The following KIAA0825 variants were observed in gnomAD, a reference collection of about 807,000 sequenced individuals.
The protein encoded by KIAA0825 is uncharacterized protein KIAA0825.
A neutral mutation model predicts 147.6 loss-of-function variants in KIAA0825; 119 were observed. The observed-to-expected ratio is 0.81, with a 90% CI of 0.69 to 0.94. The LOEUF (loss-of-function observed/expected upper bound fraction) is 0.94. KIAA0825 is among the 40% of genes least tolerant of loss of function. KIAA0825 has a pLI of 0.00. For synonymous variants in KIAA0825, 470 were observed against 518.1 expected, an observed-to-expected ratio of 0.91 and a Z score of 1.26; for missense variants, 1,381 against 1,472.7, an observed-to-expected ratio of 0.94 and a Z score of 1.02.
At chr5:94,602,132 G>T (rs959230272) in intron 1 of KIAA0825, among the ~76,000 whole-genome samples, 2 of 152,140 alleles carry the variant, frequency 1.3e-5, no homozygotes, top group African/African-American at 4.8e-5. Flanking sequence ...GGCGGATCAT[G>T]AGGTCAGGAG....
intron 20 of KIAA0825, among the ~76,000 whole-genome samples, chr5:94,268,400 G>A (rs1776831377): frequency 6.6e-6 from 1 of 152,050 alleles, no homozygotes; most frequent in Non-Finnish European, 1.5e-5. Flanking sequence ...GGTGAAGTGG[G>A]GCAACTGCAA....
At chr5:94,371,048 G>A (rs1046304021) in intron 20 of KIAA0825, among the ~76,000 whole-genome samples, 4 of 152,156 alleles carry the variant, frequency 2.6e-5, no homozygotes, top group South Asian at 2.1e-4. Context: ...TCAGGAGCTG[G>A]TGGGGGAGCG....
At chr5:94,535,408 G>T in intron 3 of KIAA0825, among the ~76,000 whole-genome samples, 1 of 148,896 alleles carries the variant, frequency 6.7e-6, no homozygotes, top group Non-Finnish European at 1.5e-5. Context: ...TTCTTGAGAG[G>T]CTAAGGCACA....
chr5:94,484,540 G>A (rs940166046), intron 6 of KIAA0825, among the ~76,000 whole-genome samples: 1 of 151,720 alleles, frequency 6.6e-6, no homozygotes, highest in African/African-American at 2.4e-5. Flanking sequence ...AAATCATCCA[G>A]AATTGATGTA....
chr5:94,477,129 T>C lies in KIAA0825; in HGVS notation c.1209A>G (p.Gln403=), dbSNP rs1172373362. Reference sequence around the variant, plus strand: ...CACTTACCTCTTTTCCTGGTAGTGATTGCTCGGAAGGAATATTGGTTTCGT... The same window carrying C: ...CACTTACCTCTTTTCCTGGTAGTGACTGCTCGGAAGGAATATTGGTTTCGT... ...RANETNIPSE[Q]SLPGKEATLL... is the part of the protein sequence containing the mutation. The change falls in exon 7 of 21, where the codon CAA becomes CAG. Residue 403 remains glutamine, a synonymous_variant. Coordinates refer to ENST00000682413, the MANE Select transcript of KIAA0825 (RefSeq NM_001145678.3). 7.7e-6 allele frequency: 12 copies of C among 1,550,584 alleles called. No homozygotes were observed. Among genetic ancestry groups the C allele is most frequent in the Non-Finnish European group, 9.6e-6 (11 of 1,146,590 alleles).
intron 2 of KIAA0825, among the ~76,000 whole-genome samples, chr5:94,556,040 T>A (rs904315204): frequency 1.3e-5 from 2 of 151,618 alleles, no homozygotes; most frequent in Non-Finnish European, 2.9e-5. Context: ...AAATACAGTT[T>A]ATGAGACATC....
chr5:94,357,180 C>T (rs1395718514), intron 20 of KIAA0825, among the ~76,000 whole-genome samples: 3 of 152,164 alleles, frequency 2.0e-5, no homozygotes, highest in Middle Eastern at 3.2e-3. Context: ...TCGGTTAAAA[C>T]GCATCTACAG....
At chr5:94,438,605 C>T (rs1177835010) in intron 14 of KIAA0825, among the ~76,000 whole-genome samples, 1 of 151,986 alleles carries the variant, frequency 6.6e-6, no homozygotes, top group Non-Finnish European at 1.5e-5. Context: ...CCTTTGGCAC[C>T]ACATGGCTTT....
chr5:94,429,983 C>T (rs901038340), intron 14 of KIAA0825, among the ~76,000 whole-genome samples: 1 of 152,100 alleles, frequency 6.6e-6, no homozygotes, highest in African/African-American at 2.4e-5. Flanking sequence ...CTGGTTGATC[C>T]AGATGAGTGG....
At chr5:94,359,717 A>C (rs932728712) in intron 20 of KIAA0825, among the ~76,000 whole-genome samples, 1 of 152,290 alleles carries the variant, frequency 6.6e-6, no homozygotes, top group Admixed American at 6.5e-5. Flanking sequence ...CCCTCAAAAC[A>C]AATGTTTTCT....
intron 20 of KIAA0825, among the ~76,000 whole-genome samples, chr5:94,250,511 A>G (rs1775893676): frequency 6.6e-6 from 1 of 152,172 alleles, no homozygotes; most frequent in Non-Finnish European, 1.5e-5. Context: ...ATACAAGGGC[A>G]CAAAAACTAG....
chr5:94,261,053 A>T (rs954800867), intron 20 of KIAA0825, among the ~76,000 whole-genome samples: 1 of 152,160 alleles, frequency 6.6e-6, no homozygotes, highest in Non-Finnish European at 1.5e-5. Flanking sequence ...CTGTAATCCC[A>T]GGACTTTGGA....
chr5:94,231,875 T>C (rs764678909), intron 20 of KIAA0825, among the ~76,000 whole-genome samples: 17 of 152,164 alleles, frequency 1.1e-4, no homozygotes, highest in Non-Finnish European at 2.2e-4. Flanking sequence ...TCTGATGGGA[T>C]GTGTTAACAC....
chr5:94,195,653 CT>C (rs562532075), intron 20 of KIAA0825, among the ~76,000 whole-genome samples: 174 of 145,136 alleles, frequency 1.2e-3, no homozygotes, highest in Middle Eastern at 3.5e-3. Flanking sequence ...GACAAGAGCT[CT>C]TTTTTTTTTT....
chr5:94,299,465 C>T (rs1007854164), intron 20 of KIAA0825, among the ~76,000 whole-genome samples: 4 of 151,970 alleles, frequency 2.6e-5, no homozygotes, highest in Admixed American at 2.0e-4. Flanking sequence ...AAGTGACCCT[C>T]CTGTCTCCCA....
intron 16 of KIAA0825, among the ~76,000 whole-genome samples, chr5:94,398,945 T>C (rs1751023815): frequency 6.6e-6 from 1 of 152,138 alleles, no homozygotes. Context: ...GGAAAATATG[T>C]TTAATCTAGT....
At chr5:94,574,069 G>A (rs930606025) in intron 2 of KIAA0825, among the ~76,000 whole-genome samples, 4 of 152,140 alleles carry the variant, frequency 2.6e-5, no homozygotes, top group African/African-American at 9.7e-5. Flanking sequence ...AGCTCCCTAT[G>A]GGCAGATGGA....
chr5:94,557,735 A>C (rs1776810608), intron 2 of KIAA0825, among the ~76,000 whole-genome samples: 1 of 152,212 alleles, frequency 6.6e-6, no homozygotes, highest in South Asian at 2.1e-4. Flanking sequence ...CAGGAGGGAC[A>C]ATGATCCAGA....
chr5:94,358,512 C>A (rs978943799), intron 20 of KIAA0825, among the ~76,000 whole-genome samples: 1 of 152,182 alleles, frequency 6.6e-6, no homozygotes, highest in Non-Finnish European at 1.5e-5. Context: ...TACTAAAATT[C>A]ATTTTAAAGA....
Sources: allele counts gnomAD v4.1 joint callset (sites outside exome capture counted in the v4.1 genomes callset), GRCh38; gene constraint gnomAD v4.1.1; transcripts MANE v1.5; gene names NCBI Gene and HGNC (gene_info 2026-07-23, HGNC 2026-07-21).